The following PDE4D variants were observed in gnomAD, a reference collection of about 807,000 sequenced individuals.
The protein encoded by PDE4D is phosphodiesterase 4D.
A neutral mutation model predicts 87.4 loss-of-function variants in PDE4D; 24 were observed. The ratio of observed to expected loss-of-function variants is 0.27; its 90% CI spans 0.20 to 0.39. PDE4D has a LOEUF of 0.39. Among genes scored for constraint, PDE4D ranks in the 10% least tolerant of loss-of-function variants. The pLI is 1.00. For synonymous variants in PDE4D, 384 were observed against 383.2 expected (o/e 1.00, Z -0.02); for missense variants, 714 against 1,041.0 (o/e 0.69, Z 4.32).
At chr5:59,861,410 G>A (rs1746266049) in intron 1 of PDE4D, among the ~76,000 whole-genome samples, 1 of 152,162 alleles carries the variant, frequency 6.6e-6, no homozygotes, top group Non-Finnish European at 1.5e-5. Context: ...AGAGAAAAAT[G>A]CTAAAATAGG....
rs149902887 is a variant in PDE4D, at chr5:58,978,936, TAAAC to T, written c.1553-1595_1553-1592del. 2.7e-3 allele frequency among the ~76,000 whole-genome samples: 407 copies of T among 152,240 alleles called. 3 individuals carry two copies. Among genetic ancestry groups the T allele is most frequent in the South Asian group, 0.024 (114 of 4,826 alleles). On this transcript the variant is annotated intron_variant, in intron 11 of 14. Transcript: ENST00000340635. The stretch of plus-strand genomic sequence containing the variant: ...ATTGTATTTCTACAGTGGAATCAAA[TAAAC>T]AAACATATATTGAAAGGAAGGCATA...
At chr5:60,269,507 T>G (rs1750595524) in intron 1 of PDE4D, among the ~76,000 whole-genome samples, 1 of 152,222 alleles carries the variant, frequency 6.6e-6, no homozygotes, top group African/African-American at 2.4e-5. Context: ...ACTAATGTTT[T>G]GCCATTATAA....
chr5:59,473,565 T>C (rs1009194301), intron 1 of PDE4D, among the ~76,000 whole-genome samples: 1 of 152,138 alleles, frequency 6.6e-6, no homozygotes, highest in African/African-American at 2.4e-5. Flanking sequence ...TTCTTGTTTG[T>C]TGTGGCTACC....
chr5:59,197,740 A>T (rs1745783526), intron 2 of PDE4D, among the ~76,000 whole-genome samples: 1 of 152,252 alleles, frequency 6.6e-6, no homozygotes, highest in Non-Finnish European at 1.5e-5. Context: ...TAAGATCAAC[A>T]GAAGATTCAC....
At chr5:60,170,459 C>T (rs1354438068) in intron 2 of PDE4D, among the ~76,000 whole-genome samples, 4 of 151,882 alleles carry the variant, frequency 2.6e-5, no homozygotes, top group Non-Finnish European at 5.9e-5. Flanking sequence ...AAATGCCTCT[C>T]CATTACCTGA....
chr5:59,156,587 T>TA (rs991552083), intron 5 of PDE4D, among the ~76,000 whole-genome samples: 2 of 151,710 alleles, frequency 1.3e-5, no homozygotes, highest in African/African-American at 4.8e-5. Flanking sequence ...CTAGAAATGT[T>TA]AAAAAAATTA....
intron 1 of PDE4D, among the ~76,000 whole-genome samples, chr5:59,862,813 T>C (rs915661881): frequency 6.6e-6 from 1 of 152,194 alleles, no homozygotes; most frequent in African/African-American, 2.4e-5. Context: ...AATTGGGTAA[T>C]GACAAATAAA....
intron 1 of PDE4D, among the ~76,000 whole-genome samples, chr5:60,339,781 G>A (rs78062469): frequency 0.033 from 5,046 of 152,234 alleles, 127 homozygotes; most frequent in Middle Eastern, 0.078. Flanking sequence ...GTTATTTCAC[G>A]GCAGCCATGT....
chr5:60,242,291 T>C (rs1031586857), intron 1 of PDE4D, among the ~76,000 whole-genome samples: 4 of 152,102 alleles, frequency 2.6e-5, no homozygotes, highest in African/African-American at 9.7e-5. Context: ...CAATTATAAA[T>C]AGGTGTAACC....
At chr5:59,913,207 G>A (rs567856536) in intron 3 of PDE4D, among the ~76,000 whole-genome samples, 3 of 152,238 alleles carry the variant, frequency 2.0e-5, no homozygotes, top group Admixed American at 6.5e-5. Flanking sequence ...AATTGCCAAT[G>A]ATTATTATAT....
intron 1 of PDE4D, among the ~76,000 whole-genome samples, chr5:60,208,354 G>C (rs868097017): frequency 6.6e-6 from 1 of 152,206 alleles, no homozygotes; most frequent in Non-Finnish European, 1.5e-5. Context: ...AAGTACCTTG[G>C]TGTGTCTGAA....
intron 1 of PDE4D, among the ~76,000 whole-genome samples, chr5:59,484,606 C>T (rs1477908543): frequency 6.6e-6 from 1 of 152,190 alleles, no homozygotes; most frequent in Non-Finnish European, 1.5e-5. Context: ...TTTCATCCCA[C>T]CCTGAGTCAA....
At chr5:60,512,141 A>C (rs1193393992) in intron 1 of PDE4D, among the ~76,000 whole-genome samples, 1 of 152,208 alleles carries the variant, frequency 6.6e-6, no homozygotes, top group Admixed American at 6.5e-5. Context: ...CACAAATGAG[A>C]AAGATATAAA....
chr5:59,613,976 T>A (rs969209855), intron 1 of PDE4D, among the ~76,000 whole-genome samples: 2 of 152,116 alleles, frequency 1.3e-5, no homozygotes, highest in African/African-American at 4.8e-5. Context: ...AAAAAAAACT[T>A]TTTTCTTAAT....
chr5:59,275,629 G>T, intron 1 of PDE4D: 1 of 1,267,648 alleles, frequency 7.9e-7, no homozygotes. Context: ...CCAGTACTAG[G>T]CTGTTAGGAA....
intron 1 of PDE4D, among the ~76,000 whole-genome samples, chr5:59,766,645 G>A (rs941093126): frequency 1.5e-4 from 23 of 152,214 alleles, no homozygotes; most frequent in African/African-American, 4.6e-4. Context: ...CACTGGACAC[G>A]GAAATTCTGG....
At position 59,396,259 on chromosome 5, in the gene PDE4D, C is replaced by G. The variant is rs1026427776; in HGVS notation, c.456-180291G>C. Among the ~76,000 whole-genome samples the G allele has an allele frequency of 1.1e-4, 12 of 109,268 alleles. 2 individuals carry two copies. The highest frequency in any genetic ancestry group is 4.8e-4 in the African/African-American group (12 of 24,860). 71.7% of individuals were successfully genotyped at this position (109,268 alleles called of 152,430 possible). A position where few individuals can be genotyped will look rare whatever the true frequency, so the allele number is the denominator to read the frequency against. ...CCACAAAGATACTCCTCGAGAAGAGCAACTCCAAGACACATAATTGTCAGA... is the reference window on the plus strand; with the variant it reads ...CCACAAAGATACTCCTCGAGAAGAGGAACTCCAAGACACATAATTGTCAGA... On this transcript the variant is annotated intron_variant, in intron 1 of 14. Coordinates refer to ENST00000340635, the MANE Select transcript of PDE4D (RefSeq NM_001104631.2).
rs758774971 is a variant in PDE4D at position 59,065,581 on chromosome 5, G to A, written c.809-26610C>T. Reference sequence around the variant, plus strand: ...GTTTATGGCATTGATTGTAATGGTGGTTTTAGGGTGTATACCTGTCTCCAA... The same window carrying A: ...GTTTATGGCATTGATTGTAATGGTGATTTTAGGGTGTATACCTGTCTCCAA... On this transcript the variant is annotated intron_variant, in intron 5 of 14. Transcript: ENST00000340635. Among the ~76,000 whole-genome samples the A allele has an allele frequency of 2.6e-5, 4 of 152,122 alleles. 1 individual carries two copies. Among genetic ancestry groups the A allele is most frequent in the Admixed American group, 1.3e-4 (2 of 15,256 alleles).
At chr5:59,318,734 ACTT>A (rs1774180967) in intron 1 of PDE4D, among the ~76,000 whole-genome samples, 2 of 152,172 alleles carry the variant, frequency 1.3e-5, no homozygotes, top group South Asian at 2.1e-4. Context: ...ATTTTTTTTA[ACTT>A]CTTTTTTCAC....
Sources: gnomAD v4.1 joint callset for allele counts (sites outside exome capture counted in the v4.1 genomes callset) on GRCh38, gnomAD v4.1.1 for gene constraint, MANE v1.5 for transcripts, NCBI Gene and HGNC (gene_info 2026-07-23, HGNC 2026-07-21) for gene names.